GRIN2B: variants seen among roughly 807,000 people sequenced by gnomAD.
GRIN2B encodes glutamate receptor ionotropic, NMDA 2B.
In GRIN2B, 5 loss-of-function variants were observed where a neutral mutation model predicts 114.5. The ratio of observed to expected loss-of-function variants is 0.04; its 90% CI spans 0.02 to 0.09. The LOEUF is 0.09. GRIN2B is among the 10% of genes least tolerant of loss of function. The pLI is 1.00. For synonymous variants in GRIN2B, 787 were observed against 745.1 expected, an observed-to-expected ratio of 1.06 and a Z score of -0.92; for missense variants, 1,108 against 1,943.5, an observed-to-expected ratio of 0.57 and a Z score of 8.08.
intron 2 of GRIN2B, among the ~76,000 whole-genome samples, chr12:13,903,841 A>G (rs1481540707): frequency 1.3e-5 from 2 of 151,970 alleles, no homozygotes; most frequent in African/African-American, 4.8e-5. Flanking sequence ...TCATTATACA[A>G]CTGTTAACTT....
intron 2 of GRIN2B, among the ~76,000 whole-genome samples, chr12:13,955,556 G>A (rs569805012): frequency 1.3e-4 from 20 of 152,186 alleles, no homozygotes; most frequent in African/African-American, 3.9e-4. Flanking sequence ...CAGCTGAACC[G>A]GTTCTAACTG....
intron 3 of GRIN2B, among the ~76,000 whole-genome samples, chr12:13,769,320 C>T (rs1329444543): frequency 1.3e-5 from 2 of 152,030 alleles, no homozygotes; most frequent in East Asian, 1.9e-4. Context: ...TTCTTATTTC[C>T]CATTCTGTTT....
chr12:13,727,223 G>T (rs1863005301), intron 4 of GRIN2B, among the ~76,000 whole-genome samples: 1 of 152,120 alleles, frequency 6.6e-6, no homozygotes, highest in Admixed American at 6.5e-5. Flanking sequence ...AGTGACATAT[G>T]CCACGACAAG....
chr12:13,707,928 C>T (rs1258396664), intron 4 of GRIN2B, among the ~76,000 whole-genome samples: 1 of 152,006 alleles, frequency 6.6e-6, no homozygotes, highest in South Asian at 2.1e-4. Flanking sequence ...CCTAGGTCTC[C>T]CACAGAGCTC....
At chr12:13,804,360 T>C (rs769972410) in intron 3 of GRIN2B, among the ~76,000 whole-genome samples, 1 of 152,124 alleles carries the variant, frequency 6.6e-6, no homozygotes, top group Non-Finnish European at 1.5e-5. Context: ...CTAAAGTTTT[T>C]ACTTTCATAT....
At chr12:13,832,529 T>TA (rs1183437702) in intron 3 of GRIN2B, among the ~76,000 whole-genome samples, 1 of 152,264 alleles carries the variant, frequency 6.6e-6, no homozygotes, top group African/African-American at 2.4e-5. Context: ...GTGTCTAGTA[T>TA]AGTGTCTTGA....
At chr12:13,627,392 A>G (rs1219911646) in intron 5 of GRIN2B, among the ~76,000 whole-genome samples, 4 of 152,192 alleles carry the variant, frequency 2.6e-5, no homozygotes, top group Non-Finnish European at 4.4e-5. Context: ...ATGGCAATAT[A>G]ACTATCTTTG....
chr12:13,663,198 C>T (rs934085672), intron 5 of GRIN2B, among the ~76,000 whole-genome samples: 2 of 152,134 alleles, frequency 1.3e-5, no homozygotes, highest in East Asian at 1.9e-4. Flanking sequence ...ACCATTTCAC[C>T]GCCATCCCCT....
intron 10 of GRIN2B, among the ~76,000 whole-genome samples, chr12:13,586,383 T>A (rs145103416): frequency 2.0e-3 from 307 of 152,294 alleles, no homozygotes; most frequent in African/African-American, 5.5e-3. Context: ...GGGACATAGT[T>A]ATTTTAGGGT....
intron 5 of GRIN2B, among the ~76,000 whole-genome samples, chr12:13,673,271 C>T (rs898814094): frequency 1.3e-5 from 2 of 152,034 alleles, no homozygotes; most frequent in African/African-American, 4.8e-5. Flanking sequence ...GTACAGGGGA[C>T]GGGACCTACA....
intron 3 of GRIN2B, among the ~76,000 whole-genome samples, chr12:13,806,895 A>T (rs1162463934): frequency 4.6e-5 from 7 of 152,016 alleles, no homozygotes; most frequent in Non-Finnish European, 1.0e-4. Flanking sequence ...TTTGATTTTT[A>T]TATATGAGAT....
Position 13,562,953 on chromosome 12 carries a change from G to A in GRIN2B, c.4285C>T (p.Pro1429Ser). 6.2e-7 allele frequency: 1 copy of A among 1,614,188 alleles called. No homozygotes were observed. The highest frequency in any genetic ancestry group is 8.5e-7 in the Non-Finnish European group (1 of 1,180,004). Reference protein sequence around the residue: ...PDFRALVTNKPVVSALHGAVP... With the variant: ...PDFRALVTNKSVVSALHGAVP... ...GCCCCATGAAGGGCCGAGACCACCG[G>A]CTTGTTGGTGACAAGGGCCCGGAAG... The change falls in exon 14 of 14, where the codon CCG becomes TCG. Residue 1429 changes from proline (P) to serine (S), a missense_variant. Around this residue, in one of 19 missense-constraint regions of GRIN2B, gnomAD observed 478 missense variants for 506.0 expected, o/e 0.94. Coordinates refer to ENST00000609686, the MANE Select transcript of GRIN2B (RefSeq NM_000834.5).
chr12:13,942,306 T>C (rs757711303), intron 2 of GRIN2B, among the ~76,000 whole-genome samples: 16 of 142,704 alleles, frequency 1.1e-4, no homozygotes, highest in African/African-American at 4.2e-4. Flanking sequence ...GCCCTGCAAC[T>C]GTTCTAGGCA....
chr12:13,600,857 C>T (rs1805516), intron 10 of GRIN2B, among the ~76,000 whole-genome samples: 4,764 of 152,222 alleles, frequency 0.031, 114 homozygotes, highest in Non-Finnish European at 0.05. Flanking sequence ...CTCAAGGACA[C>T]AGCAAAAGGG....
chr12:13,668,342 T>C (rs1426068240), intron 5 of GRIN2B, among the ~76,000 whole-genome samples: 1 of 152,184 alleles, frequency 6.6e-6, no homozygotes, highest in Non-Finnish European at 1.5e-5. Flanking sequence ...CCAAAGTCTA[T>C]TCCCCCAATA....
intron 4 of GRIN2B, among the ~76,000 whole-genome samples, chr12:13,678,191 G>T (rs565283666): frequency 1.5e-4 from 23 of 152,112 alleles, no homozygotes; most frequent in African/African-American, 5.3e-4. Flanking sequence ...TTAAATGAAC[G>T]TTTAGGTGAA....
intron 2 of GRIN2B, among the ~76,000 whole-genome samples, chr12:13,906,801 G>A (rs188933743): frequency 6.6e-6 from 1 of 152,200 alleles, no homozygotes; most frequent in African/African-American, 2.4e-5. Flanking sequence ...GGATTAATTT[G>A]TATCATATTA....
At chr12:13,724,224 T>C (rs1862935373) in intron 4 of GRIN2B, among the ~76,000 whole-genome samples, 1 of 152,126 alleles carries the variant, frequency 6.6e-6, no homozygotes, top group African/African-American at 2.4e-5. Flanking sequence ...AGCCAGGTCA[T>C]AGCACAACTA....
chr12:13,846,255 C>A (rs1240839068), intron 3 of GRIN2B, among the ~76,000 whole-genome samples: 1 of 152,152 alleles, frequency 6.6e-6, no homozygotes, highest in South Asian at 2.1e-4. Context: ...TCCATTCAAC[C>A]CTATGGAGTA....
Sources: gnomAD v4.1 joint callset for allele counts (sites outside exome capture counted in the v4.1 genomes callset) on GRCh38, gnomAD v4.1.1 for gene constraint, gnomAD v4.1.1 regional missense constraint, MANE v1.5 for transcripts, NCBI Gene and HGNC (gene_info 2026-07-23, HGNC 2026-07-21) for gene names.